The following MTOR variants were observed in gnomAD, a reference collection of about 807,000 sequenced individuals.
MTOR encodes the protein mechanistic target of rapamycin kinase.
A neutral mutation model predicts 319.8 loss-of-function variants in MTOR; 70 were observed. The observed-to-expected ratio is 0.22, with a 90% confidence interval of 0.18 to 0.27. The LOEUF (loss-of-function observed/expected upper bound fraction) is 0.27, where lower values mean the gene tolerates loss of function less well. MTOR is among the 10% of genes least tolerant of loss of function. MTOR has a pLI of 1.00. For synonymous variants in MTOR, 1,183 were observed against 1,211.4 expected, an observed-to-expected ratio of 0.98 and a Z score of 0.49; for missense variants, 1,890 against 3,274.4, an observed-to-expected ratio of 0.58 and a Z score of 10.32.
At chr1:11,172,229 G>A (rs1644837815) in intron 28 of MTOR, among the ~76,000 whole-genome samples, 1 of 152,074 alleles carries the variant, frequency 6.6e-6, no homozygotes, top group Admixed American at 6.6e-5. Flanking sequence ...TCCATGATAA[G>A]CTCTTATTGA....
At chr1:11,126,223 G>A (rs895232402) in intron 46 of MTOR, among the ~76,000 whole-genome samples, 1 of 149,738 alleles carries the variant, frequency 6.7e-6, no homozygotes, top group Middle Eastern at 3.4e-3. Context: ...TTACCACAGA[G>A]ACTATGATGG....
At chr1:11,143,412 T>C (rs922150393) in intron 34 of MTOR, among the ~76,000 whole-genome samples, 3 of 152,090 alleles carry the variant, frequency 2.0e-5, no homozygotes, top group Non-Finnish European at 4.4e-5. Flanking sequence ...CTCTTTATTA[T>C]AGGCATTTCA....
intron 19 of MTOR, among the ~76,000 whole-genome samples, chr1:11,220,282 A>G (rs1378588041): frequency 1.3e-5 from 2 of 152,108 alleles, no homozygotes; most frequent in African/African-American, 2.4e-5. Flanking sequence ...TGTAAAAGGG[A>G]TTCACGATTT....
chr1:11,229,981 A>G (rs918003186), intron 18 of MTOR, among the ~76,000 whole-genome samples: 17 of 152,140 alleles, frequency 1.1e-4, no homozygotes, highest in Non-Finnish European at 2.2e-4. Flanking sequence ...AAATAAAATT[A>G]AGTTAAAATA....
At chr1:11,184,963 C>T (rs1466337816) in intron 28 of MTOR, among the ~76,000 whole-genome samples, 3 of 152,196 alleles carry the variant, frequency 2.0e-5, no homozygotes, top group Admixed American at 1.3e-4. Flanking sequence ...AGGCCACACT[C>T]GACTACTTAC....
intron 33 of MTOR, 59 bp downstream of exon 33, chr1:11,144,909 T>C: frequency 6.3e-7 from 1 of 1,590,842 alleles, no homozygotes; most frequent in South Asian, 1.1e-5. Context: ...TAGCCCATTC[T>C]GAAAAAAGTA....
chr1:11,261,728 G>A (rs1050066993), intron 1 of MTOR, among the ~76,000 whole-genome samples: 5 of 152,014 alleles, frequency 3.3e-5, no homozygotes, highest in African/African-American at 1.2e-4. Flanking sequence ...ATCCTTTAGG[G>A]GAGAAGAAAC....
intron 28 of MTOR, among the ~76,000 whole-genome samples, chr1:11,176,256 A>C (rs1202928260): frequency 6.6e-6 from 1 of 152,172 alleles, no homozygotes; most frequent in Admixed American, 6.5e-5. Flanking sequence ...GTAACTTGAC[A>C]TGGCAGTGCC....
intron 30 of MTOR, among the ~76,000 whole-genome samples, chr1:11,156,083 C>T (rs137980110): frequency 0.014 from 2,137 of 152,220 alleles, 21 homozygotes; most frequent in Non-Finnish European, 0.022. Context: ...CTCCGCCTCC[C>T]GGGTTCAAGT....
chr1:11,225,806 AG>A (rs1257529268), intron 19 of MTOR, among the ~76,000 whole-genome samples: 1 of 152,232 alleles, frequency 6.6e-6, no homozygotes, highest in Non-Finnish European at 1.5e-5. Flanking sequence ...GCATAAAAAA[AG>A]ATCTTAAAAA....
intron 54 of MTOR, among the ~76,000 whole-genome samples, chr1:11,110,956 G>A (rs1460312056): frequency 1.3e-5 from 2 of 152,130 alleles, no homozygotes; most frequent in Non-Finnish European, 2.9e-5. Context: ...AGAATTGTTA[G>A]GGAGGTGGGC....
intron 11 of MTOR, 143 bp downstream of exon 11, chr1:11,240,160 T>A: frequency 8.6e-7 from 1 of 1,164,784 alleles, no homozygotes; most frequent in Admixed American, 2.7e-5. Context: ...GTGGAAAGAG[T>A]CTAGGAAGGA....
At chr1:11,250,233 C>CA (rs1553129601) in intron 6 of MTOR, among the ~76,000 whole-genome samples, 7 of 129,384 alleles carry the variant, frequency 5.4e-5, no homozygotes, top group Admixed American at 3.1e-4. Context: ...GCTGACCCCC[C>CA]ACCTCCCTCC....
rs777531070 is a variant in MTOR, at chr1:11,189,550, A to T, written c.4253+9708T>A. 20 of 1,560,514 alleles carry T rather than the reference A, an allele frequency of 1.3e-5. No individual in the cohort carries two copies. In the South Asian group the frequency reaches 1.7e-4, roughly 14 times the overall value. On this transcript the variant is annotated intron_variant, in intron 28 of 57. Transcript: ENST00000361445. The stretch of plus-strand genomic sequence containing the variant: ...GGGCATCTCCAGACTCCCCTGAAGG[A>T]AGAGCCTTCCTCACCCAAACCCACA...
In MTOR at chr1:11,129,902, T is replaced by C; in HGVS notation, c.5614-64A>G. On this transcript the variant is annotated intron_variant, in intron 39 of 57. Coordinates refer to ENST00000361445, the MANE Select transcript of MTOR (RefSeq NM_004958.4). The surrounding 1 kb of genome is among the most constrained non-coding windows in gnomAD (Gnocchi z 4.7). ...TGCTTTCTCATCTGTAAAATGGGCA[T>C]AAGAGCATACTAACTGTACCTACTT... 2 of 1,414,640 alleles carry C rather than the reference T, an allele frequency of 1.4e-6. No homozygotes were observed. Among genetic ancestry groups the C allele is most frequent in the Admixed American group, 3.5e-5 (2 of 57,532 alleles). 87.6% of individuals were successfully genotyped at this position (1,414,640 alleles called of 1,614,324 possible).
Position 11,128,625 on chromosome 1 carries a change from A to G in MTOR, c.5812-73T>C. Reference sequence around the variant, plus strand: ...CTAGTTATTCTTCTAGGCAAAGATCAATTCTTTTAACTTGTTTCGGTTGAT... The same window carrying G: ...CTAGTTATTCTTCTAGGCAAAGATCGATTCTTTTAACTTGTTTCGGTTGAT... On this transcript the variant is annotated intron_variant, in intron 41 of 57. Coordinates refer to ENST00000361445, the MANE Select transcript of MTOR (RefSeq NM_004958.4). This position sits in a 1 kb window ranked among gnomAD's most constrained non-coding sequence, Gnocchi z 5.3. The G allele has an allele frequency of 7.0e-7, 1 of 1,432,558 alleles. No homozygotes were observed. Among genetic ancestry groups the G allele is most frequent in the Non-Finnish European group, 9.8e-7 (1 of 1,019,300 alleles). 88.7% of individuals were successfully genotyped at this position (1,432,558 alleles called of 1,614,324 possible).
chr1:11,236,473 C>T (rs1434498559), intron 13 of MTOR, among the ~76,000 whole-genome samples: 3 of 149,494 alleles, frequency 2.0e-5, no homozygotes, highest in Non-Finnish European at 4.4e-5. Flanking sequence ...ATTAATTTAG[C>T]ATGATTTGAG....
intron 5 of MTOR, 76 bp downstream of exon 5, chr1:11,255,916 G>A (rs1650343980): frequency 1.5e-6 from 2 of 1,353,518 alleles, no homozygotes; most frequent in Non-Finnish European, 1.0e-6. Flanking sequence ...GCAAGGGCTT[G>A]TGGCTGCCCT....
At chr1:11,167,589 G>A in intron 28 of MTOR, 72 bp from the exon 29 acceptor site, 1 of 1,167,276 alleles carries the variant, frequency 8.6e-7, no homozygotes. Context: ...GTCATTTGTG[G>A]GCAGATGGTT....
Sources: allele counts gnomAD v4.1 joint callset (sites outside exome capture counted in the v4.1 genomes callset), GRCh38; gene constraint gnomAD v4.1.1; non-coding constraint Gnocchi (gnomAD v3.1); transcripts MANE v1.5; gene names NCBI Gene and HGNC (gene_info 2026-07-23, HGNC 2026-07-21).